The following VAV3 variants were observed in gnomAD, a reference collection of about 807,000 sequenced individuals.
VAV3 encodes the protein guanine nucleotide exchange factor VAV3.
VAV3 carries 94 observed loss-of-function variants against 131.2 expected under a neutral mutation model. The ratio of observed to expected loss-of-function variants is 0.72; its 90% confidence interval spans 0.61 to 0.85. The LOEUF (loss-of-function observed/expected upper bound fraction) is 0.85. Ranked by LOEUF, VAV3 falls within the 40% of genes least tolerant of loss-of-function variation. The pLI, the probability that VAV3 is intolerant of heterozygous loss-of-function variation, is 0.00. For synonymous variants in VAV3, 349 were observed against 342.0 expected (o/e 1.02, Z -0.22); for missense variants, 939 against 1,002.7 (o/e 0.94, Z 0.86).
chr1:107,703,349 A>G (rs1660249167), intron 17 of VAV3, among the ~76,000 whole-genome samples: 1 of 152,188 alleles, frequency 6.6e-6, no homozygotes, highest in South Asian at 2.1e-4. Context: ...AGTTTATTTA[A>G]CAGCCCTTGA....
rs141836959 is a variant in VAV3 at position 107,803,019 on chromosome 1, C to T, written c.322-23527G>A. On this transcript the variant is annotated intron_variant, in intron 2 of 26. Transcript: ENST00000370056. ...TTTTATTACGGCTTCAATCTTGTTG[C>T]TCCTTATTGGTTTGCTGAAGTTTTC... is the stretch of plus-strand genomic sequence containing the variant. Among the ~76,000 whole-genome samples, 896 of 151,820 alleles carry T rather than the reference C, an allele frequency of 5.9e-3. 10 individuals are homozygous for T. The highest frequency in any genetic ancestry group is 0.019 in the African/African-American group (804 of 41,414).
intron 19 of VAV3, among the ~76,000 whole-genome samples, chr1:107,681,939 C>T (rs575114513): frequency 2.6e-5 from 4 of 152,250 alleles, no homozygotes; most frequent in African/African-American, 7.2e-5. Context: ...GGATTACAGG[C>T]GTGAGCCACT....
At chr1:107,700,686 T>C (rs916139178) in intron 17 of VAV3, among the ~76,000 whole-genome samples, 4 of 152,254 alleles carry the variant, frequency 2.6e-5, no homozygotes, top group Non-Finnish European at 5.9e-5. Flanking sequence ...ACATTTTCTT[T>C]ATCCAGTCTA....
intron 2 of VAV3, among the ~76,000 whole-genome samples, chr1:107,787,669 C>T (rs187685091): frequency 6.6e-6 from 1 of 152,332 alleles, no homozygotes; most frequent in African/African-American, 2.4e-5. Flanking sequence ...TAAGTAGATT[C>T]ACTTGCACCT....
chr1:107,882,376 A>C (rs1670823613), intron 1 of VAV3, among the ~76,000 whole-genome samples: 1 of 152,188 alleles, frequency 6.6e-6, no homozygotes, highest in African/African-American at 2.4e-5. Context: ...CATAATTCAA[A>C]TTATGAGTGG....
chr1:107,765,089 T>A lies in VAV3; in HGVS notation c.908A>T (p.Lys303Ile), dbSNP rs781100760. Reference sequence around the variant, plus strand: ...ATAAATAGGCACCTCTAATTTCAGTTTGACATCTTCTTTTGTCTTAGAAAT... The same window carrying A: ...ATAAATAGGCACCTCTAATTTCAGTATGACATCTTCTTTTGTCTTAGAAAT... ...DYISKTKEDVKLKLEECSKRA... is the reference protein window; with the variant it reads ...DYISKTKEDVILKLEECSKRA... The change falls in exon 9 of 27, where the codon AAA (lysine) becomes ATA (isoleucine). Residue 303 changes from lysine (K) to isoleucine (I), a missense_variant. Physicochemically the swap from Lys to Ile is moderately radical, Grantham distance 102. Transcript: ENST00000370056. The A allele has an allele frequency of 6.2e-7, 1 of 1,612,554 alleles. No individual in the cohort carries two copies. Among genetic ancestry groups the A allele is most frequent in the Non-Finnish European group, 8.5e-7 (1 of 1,178,958 alleles).
intron 20 of VAV3, among the ~76,000 whole-genome samples, chr1:107,630,528 G>A (rs995877958): frequency 1.3e-5 from 2 of 152,116 alleles, no homozygotes; most frequent in African/African-American, 4.8e-5. Context: ...TGGTATAGAT[G>A]GCAGAGTCAG....
At chr1:107,580,720 A>C (rs768581186) in intron 25 of VAV3, among the ~76,000 whole-genome samples, 5 of 152,236 alleles carry the variant, frequency 3.3e-5, no homozygotes, top group Non-Finnish European at 7.3e-5. Flanking sequence ...TACTGAGACA[A>C]GAGTAAAAGA....
At chr1:107,745,155 C>T (rs113260406) in intron 15 of VAV3, among the ~76,000 whole-genome samples, 13 of 151,930 alleles carry the variant, frequency 8.6e-5, no homozygotes, top group African/African-American at 2.9e-4. Context: ...TCCTGTTTCA[C>T]ATATGACTAA....
chr1:107,638,383 A>G (rs1438195352), intron 20 of VAV3, among the ~76,000 whole-genome samples: 2 of 152,242 alleles, frequency 1.3e-5, no homozygotes, highest in Non-Finnish European at 2.9e-5. Flanking sequence ...TTGTATTTCT[A>G]TATCTCACAA....
At chr1:107,608,926 T>A (rs1652509910) in intron 22 of VAV3, among the ~76,000 whole-genome samples, 1 of 152,240 alleles carries the variant, frequency 6.6e-6, no homozygotes, top group Non-Finnish European at 1.5e-5. Context: ...ATAGATTCAG[T>A]CTTTTTAAGA....
intron 19 of VAV3, among the ~76,000 whole-genome samples, chr1:107,653,577 C>T (rs1480899899): frequency 1.3e-5 from 2 of 151,986 alleles, no homozygotes; most frequent in African/African-American, 4.8e-5. Flanking sequence ...AAGTTTTCCT[C>T]CTTAACCTTT....
chr1:107,642,801 C>T (rs771097929), intron 19 of VAV3, 46 bp from the exon 20 acceptor site: 23 of 1,610,430 alleles, frequency 1.4e-5, no homozygotes, highest in Admixed American at 6.7e-5. Context: ...AACAATGATG[C>T]ATGAAGTCTA....
intron 1 of VAV3, among the ~76,000 whole-genome samples, chr1:107,915,553 AACAAT>A (rs1398515693): frequency 2.6e-5 from 4 of 152,200 alleles, no homozygotes; most frequent in African/African-American, 9.7e-5. Flanking sequence ...TATAGAGGGA[AACAAT>A]ACCTCTTCAC....
chr1:107,819,149 G>C (rs955935869), intron 2 of VAV3, among the ~76,000 whole-genome samples: 1 of 152,072 alleles, frequency 6.6e-6, no homozygotes, highest in Non-Finnish European at 1.5e-5. Flanking sequence ...AGGAAACCAA[G>C]TATTTTGTCT....
intron 12 of VAV3, 67 bp downstream of exon 12, chr1:107,755,360 A>G (rs1570902738): frequency 2.5e-6 from 3 of 1,216,968 alleles, no homozygotes; most frequent in African/African-American, 3.0e-5. Context: ...GTTTTCTTCA[A>G]CAACAACTCC....
chr1:107,582,107 G>A (rs1042933500), intron 25 of VAV3, among the ~76,000 whole-genome samples: 3 of 152,154 alleles, frequency 2.0e-5, no homozygotes, highest in African/African-American at 7.2e-5. Flanking sequence ...TGCGTTTGCT[G>A]CCCAGCAGTG....
chr1:107,964,454 G>A, intron 1 of VAV3: 1 of 521,708 alleles, frequency 1.9e-6, no homozygotes, highest in South Asian at 2.8e-5. Context: ...ACCATCTCCG[G>A]ACGCAAAGCT....
chr1:107,771,253 CTTTT>C (rs34501550), intron 5 of VAV3, among the ~76,000 whole-genome samples: 7 of 135,124 alleles, frequency 5.2e-5, no homozygotes, highest in Admixed American at 7.4e-5. Context: ...TTCTTGTCAG[CTTTT>C]TTTTTTTTTT....
Sources: allele counts gnomAD v4.1 joint callset (sites outside exome capture counted in the v4.1 genomes callset), GRCh38; gene constraint gnomAD v4.1.1; transcripts MANE v1.5; gene names NCBI Gene and HGNC (gene_info 2026-07-23, HGNC 2026-07-21).